LARS1: variants seen among roughly 807,000 people sequenced by gnomAD.
LARS1 encodes leucyl-tRNA synthetase 1, also known as leucine--tRNA ligase, cytoplasmic.
In LARS1, 100 loss-of-function variants were observed where a neutral mutation model predicts 162.8. The observed-to-expected ratio is 0.61, with a 90% CI of 0.52 to 0.73. The LOEUF (loss-of-function observed/expected upper bound fraction) is 0.73. Ranked by LOEUF, LARS1 falls within the 30% of genes least tolerant of loss-of-function variation. The probability of loss-of-function intolerance (pLI) is 0.00; values close to 1 mark genes in which losing one functional copy is unlikely to be tolerated. For synonymous variants in LARS1, 457 were observed against 462.8 expected, an observed-to-expected ratio of 0.99 and a Z score of 0.16; for missense variants, 1,258 against 1,408.9, an observed-to-expected ratio of 0.89 and a Z score of 1.71.
In LARS1 at chr5:146,153,738, T is replaced by C. The variant is rs745497991; in HGVS notation, c.1226A>G (p.Lys409Arg). 7 of 1,612,630 alleles carry C rather than the reference T, an allele frequency of 4.3e-6. No individual in the cohort carries two copies. Among genetic ancestry groups the C allele is most frequent in the Non-Finnish European group, 5.1e-6 (6 of 1,178,782 alleles). ...DIAALRDLKKKQALRAKYGIR... is the reference protein window; with the variant it reads ...DIAALRDLKKRQALRAKYGIR... ...ACATGAAACTCAGATACTTACTTGC[T>C]TTTTCTTCAAGTCTCTGAGGGCAGC... Residue 409 changes from lysine to arginine, a missense_variant, in exon 12 of 32, where the codon AAG (lysine) becomes AGG (arginine). Physicochemically the swap from Lys to Arg is conservative, Grantham distance 26. Coordinates refer to ENST00000394434, the MANE Select transcript of LARS1 (RefSeq NM_020117.11).
chr5:146,172,376 C>T (rs1381948615), intron 3 of LARS1, among the ~76,000 whole-genome samples: 2 of 151,810 alleles, frequency 1.3e-5, no homozygotes, highest in Non-Finnish European at 2.9e-5. Context: ...ATTAGCTGGG[C>T]GTGGTGGTGC....
intron 3 of LARS1, 70 bp from the exon 4 acceptor site, chr5:146,172,060 C>A: frequency 1.5e-6 from 2 of 1,371,972 alleles, no homozygotes; most frequent in Non-Finnish European, 2.1e-6. Flanking sequence ...GAACTTTTCA[C>A]ACAAAAAAAT....
chr5:146,171,981 C>G lies in LARS1; in HGVS notation c.223G>C (p.Gly75Arg), dbSNP rs1754303531. The change falls in exon 4 of 32, where the codon GGG becomes CGG. Residue 75 changes from glycine to arginine, a missense_variant. Coordinates refer to ENST00000394434, the MANE Select transcript of LARS1 (RefSeq NM_020117.11). ...CATTTTCCTTTCAATCGCTGGTACC[C>G]TACAGCAAACTACAGAAATAAAATT... ...FSLSKCEFAV[G>R]YQRLKGKCCL... 6.2e-7 allele frequency: 1 copy of G among 1,611,288 alleles called. No homozygotes were observed. The highest frequency in any genetic ancestry group is 8.5e-7 in the Non-Finnish European group (1 of 1,177,696).
In LARS1 at chr5:146,164,297, T is replaced by C. The variant is rs1001480520; in HGVS notation, c.594+13A>G. 1 of 1,611,302 alleles carries C rather than the reference T, an allele frequency of 6.2e-7. No homozygotes were observed. The highest frequency in any genetic ancestry group is 8.5e-7 in the Non-Finnish European group (1 of 1,177,740). ...TTGTAAATGCTTTCCTCATATTTCC[T>C]TTATAGACATACCTTCAAACCCATT... On this transcript the variant is annotated intron_variant, in intron 6 of 31. Coordinates refer to ENST00000394434, the MANE Select transcript of LARS1 (RefSeq NM_020117.11).
intron 29 of LARS1, 21 bp from the exon 30 acceptor site, chr5:146,122,608 G>A (rs1318659792): frequency 7.0e-7 from 1 of 1,419,188 alleles, no homozygotes; most frequent in South Asian, 1.2e-5. Flanking sequence ...GGGAAAAAAT[G>A]GAAGTTATTA....
Position 146,114,140 on chromosome 5 carries a change from T to C in LARS1, c.3497A>G (p.Asp1166Gly). Reference sequence around the variant, plus strand: ...CAGATAGATTATTGTATCGCCAATATCCACCCTTATCCCATTCTCAGTCAG... The same window carrying C: ...CAGATAGATTATTGTATCGCCAATACCCACCCTTATCCCATTCTCAGTCAG... The part of the protein sequence containing the change: ...IHLTENGIRV[D>G]IGDTIIYLVH The change falls in exon 32 of 32, where the codon GAT (aspartate) becomes GGT (glycine). Residue 1166 changes from aspartate (D) to glycine (G), a missense_variant. Asp to Gly is a moderately conservative substitution (Grantham distance 94). Coordinates refer to ENST00000394434, the MANE Select transcript of LARS1 (RefSeq NM_020117.11). 1 of 1,613,834 alleles carries C rather than the reference T, an allele frequency of 6.2e-7. No homozygotes were observed. The highest frequency in any genetic ancestry group is 8.5e-7 in the Non-Finnish European group (1 of 1,179,924).
At chr5:146,166,209 G>A (rs1179538393) in intron 5 of LARS1, among the ~76,000 whole-genome samples, 2 of 152,026 alleles carry the variant, frequency 1.3e-5, no homozygotes, top group African/African-American at 4.8e-5. Flanking sequence ...GAAAATACAA[G>A]CCTGGAACAG....
At position 146,161,020 on chromosome 5, in the gene LARS1, T is replaced by C. The variant is rs149887540; in HGVS notation, c.595-534A>G. ...AATATACAGACATATCTGGGAGATA[T>C]TGTGGGTTTGGTTCTAAACCACCAC... On this transcript the variant is annotated intron_variant, in intron 6 of 31. Coordinates refer to ENST00000394434, the MANE Select transcript of LARS1 (RefSeq NM_020117.11). Among the ~76,000 whole-genome samples the C allele has an allele frequency of 6.2e-3, 944 of 152,316 alleles. 6 individuals are homozygous for C. The highest frequency in any genetic ancestry group is 0.01 in the Non-Finnish European group (683 of 68,026).
Position 146,144,629 on chromosome 5 carries a change from G to A in LARS1, c.1584C>T (p.Asp528=). The A allele has an allele frequency of 6.2e-7, 1 of 1,613,948 alleles. No homozygotes were observed. The highest frequency in any genetic ancestry group is 8.5e-7 in the Non-Finnish European group (1 of 1,179,966). The change falls in exon 16 of 32, where the codon GAC becomes GAT. Residue 528 remains aspartate (D), a synonymous_variant. Transcript: ENST00000394434. The stretch of plus-strand genomic sequence containing the variant: ...TCTTGCTATAAGAGACTAACCACTG[G>A]TCACACAGAGCCACAACACATTCAT... ...SSDECVVALC[D]QWYLDYGEEN... is the part of the protein sequence containing the mutation.
intron 1 of LARS1, among the ~76,000 whole-genome samples, chr5:146,179,081 A>C (rs1389883872): frequency 1.3e-5 from 2 of 152,066 alleles, no homozygotes; most frequent in African/African-American, 4.8e-5. Flanking sequence ...AAAATACAAA[A>C]ATTAGCCGGA....
intron 4 of LARS1, among the ~76,000 whole-genome samples, chr5:146,168,521 T>C (rs765507254): frequency 1.3e-5 from 2 of 152,002 alleles, no homozygotes; most frequent in Non-Finnish European, 2.9e-5. Context: ...ATGATGTCTC[T>C]ACTAAATATA....
At chr5:146,177,689 C>A in intron 1 of LARS1, 24 bp from the exon 2 acceptor site, 1 of 1,272,482 alleles carries the variant, frequency 7.9e-7, no homozygotes, top group South Asian at 1.2e-5. Flanking sequence ...AGAGAATAAT[C>A]CACTCTGTAT....
chr5:146,132,947 T>C lies in LARS1; in HGVS notation c.2347A>G (p.Ser783Gly). ...GTGCTGGCAGGACCACTTCTTAGGC[T>C]GTCCCAGTTGGCAACCATTTCTTTC... ...WVKEMVANWD[S>G]LRSGPASTFN... Residue 783 changes from serine to glycine, a missense_variant, in exon 23 of 32, where the codon AGC becomes GGC. Physicochemically the swap from Ser to Gly is moderately conservative, Grantham distance 56 (BLOSUM62 0). Transcript: ENST00000394434. 2 of 1,614,170 alleles carry C rather than the reference T, an allele frequency of 1.2e-6. No individual in the cohort carries two copies. The highest frequency in any genetic ancestry group is 1.7e-6 in the Non-Finnish European group (2 of 1,179,998).
chr5:146,149,487 C>T lies in LARS1; in HGVS notation c.1503+135G>A. 3 of 692,446 alleles carry T rather than the reference C, an allele frequency of 4.3e-6. No individual in the cohort carries two copies. In the South Asian group the frequency reaches 5.4e-5, roughly 12 times the overall value. 42.9% of individuals were successfully genotyped at this position (692,446 alleles called of 1,614,324 possible). A position where few individuals can be genotyped will look rare whatever the true frequency, so the allele number is the denominator to read the frequency against. ...AAGTTAAATGAATTGCTAAATAGGTCTATTTTCTGCCGCAAAACTGTATGA... is the reference window on the plus strand; with the variant it reads ...AAGTTAAATGAATTGCTAAATAGGTTTATTTTCTGCCGCAAAACTGTATGA... On this transcript the variant is annotated intron_variant, in intron 15 of 31. Transcript: ENST00000394434.
chr5:146,120,470 G>T lies in LARS1; in HGVS notation c.3226C>A (p.Pro1076Thr). 6.2e-7 allele frequency: 1 copy of T among 1,612,978 alleles called. No homozygotes were observed. The highest frequency in any genetic ancestry group is 8.5e-7 in the Non-Finnish European group (1 of 1,179,288). Residue 1076 changes from proline to threonine, a missense_variant, in exon 31 of 32, where the codon CCA becomes ACA. Coordinates refer to ENST00000394434, the MANE Select transcript of LARS1 (RefSeq NM_020117.11). ...TTGGTTGAGAAGTGGCCATTGGATG[G>T]CTGGGGATTCACCAGAGAAACGGAC... The part of the protein sequence containing the change: ...GVSVSLVNPQ[P>T]SNGHFSTKIE...
At chr5:146,139,357 A>G (rs992971959) in intron 21 of LARS1, among the ~76,000 whole-genome samples, 3 of 92,276 alleles carry the variant, frequency 3.3e-5, no homozygotes, top group Admixed American at 3.1e-4. Flanking sequence ...AAAAAAAAAA[A>G]AAAGAAAAAG....
chr5:146,125,262 G>C (rs942796185), intron 28 of LARS1, among the ~76,000 whole-genome samples: 1 of 151,798 alleles, frequency 6.6e-6, no homozygotes, highest in South Asian at 2.1e-4. Flanking sequence ...GTCAACACAG[G>C]ATTCTAAATT....
intron 15 of LARS1, 143 bp downstream of exon 15, chr5:146,149,479 A>G (rs1210291105): frequency 4.4e-6 from 3 of 675,842 alleles, no homozygotes; most frequent in African/African-American, 3.6e-5. Flanking sequence ...ATGAATTGCT[A>G]AATAGGTCTA....
At position 146,133,032 on chromosome 5, in the gene LARS1, G is replaced by C. The variant is rs1202797535; in HGVS notation, c.2262C>G (p.Asn754Lys). 6.2e-7 allele frequency: 1 copy of C among 1,614,034 alleles called. No homozygotes were observed. The highest frequency in any genetic ancestry group is 1.7e-5 in the Admixed American group (1 of 60,008). ...ADAGDTVEDA[N>K]FVEAMADAGI... is the part of the protein sequence containing the mutation. ...CTGCATCTGCCATGGCTTCCACAAAGTTGGCATCTTCTACAGTGTCACCAG... is the reference window on the plus strand; with the variant it reads ...CTGCATCTGCCATGGCTTCCACAAACTTGGCATCTTCTACAGTGTCACCAG... Residue 754 changes from asparagine to lysine, a missense_variant, in exon 23 of 32, where the codon AAC becomes AAG. Coordinates refer to ENST00000394434, the MANE Select transcript of LARS1 (RefSeq NM_020117.11).
Sources: allele counts gnomAD v4.1 joint callset (sites outside exome capture counted in the v4.1 genomes callset), GRCh38; gene constraint gnomAD v4.1.1; transcripts MANE v1.5; gene names NCBI Gene and HGNC (gene_info 2026-07-23, HGNC 2026-07-21).